Variants in JMJD1C observed in about 807,000 individuals in gnomAD.
JMJD1C encodes jumonji domain-containing protein 1C.
In JMJD1C, 31 loss-of-function variants were observed where a neutral mutation model predicts 245.3. The ratio of observed to expected loss-of-function variants is 0.13; its 90% CI spans 0.09 to 0.17. The LOEUF is 0.17. JMJD1C is among the 10% of genes least tolerant of loss of function. JMJD1C has a pLI of 1.00. For missense variants in JMJD1C, 2,691 were observed against 3,000.2 expected (o/e 0.90, Z 2.41); for synonymous variants, 1,057 against 1,017.4 (o/e 1.04, Z -0.74).
chr10:63,180,843 A>T (rs886646670), intron 22 of JMJD1C, among the ~76,000 whole-genome samples: 16 of 147,106 alleles, frequency 1.1e-4, no homozygotes, highest in Admixed American at 1.4e-4. Context: ...ATCTCGGCTC[A>T]CTGCAAGCTC....
rs1231753024 is a variant in JMJD1C at position 63,183,597 on chromosome 10, CA to C, written c.6962-29del. 4.4e-6 allele frequency: 6 copies of C among 1,355,144 alleles called. No individual in the cohort carries two copies. The South Asian group carries it at 8.1e-5, about 18-fold the overall frequency. The allele number at this position is 1,355,144 out of a possible 1,614,324, so 83.9% of individuals were successfully genotyped here. ...GTATATAAAACAAAATTTTACTTGACAAAATATTTATATATATGTAATAGCA... is the reference window on the plus strand; with the variant it reads ...GTATATAAAACAAAATTTTACTTGACAAATATTTATATATATGTAATAGCA... On this transcript the variant is annotated intron_variant, in intron 21 of 25. Transcript: ENST00000399262.
chr10:63,352,785 T>C (rs77915324), intron 2 of JMJD1C, among the ~76,000 whole-genome samples: 1,592 of 152,286 alleles, frequency 0.01, 17 homozygotes, highest in East Asian at 0.048. Context: ...TAGTTTTTAA[T>C]AGAACATGGA....
chr10:63,221,831 C>G (rs956848564), intron 3 of JMJD1C, among the ~76,000 whole-genome samples: 1 of 152,212 alleles, frequency 6.6e-6, no homozygotes, highest in Non-Finnish European at 1.5e-5. Context: ...AAGCAATTCT[C>G]CTGTCTCAGC....
chr10:63,311,656 GTA>G (rs1290358745), intron 2 of JMJD1C, among the ~76,000 whole-genome samples: 2 of 152,128 alleles, frequency 1.3e-5, no homozygotes, highest in African/African-American at 4.8e-5. Flanking sequence ...AATTTATACA[GTA>G]TGTCAGGTTC....
chr10:63,465,191 G>A, intron 1 of JMJD1C: 1 of 363,454 alleles, frequency 2.8e-6, no homozygotes, highest in South Asian at 6.9e-5. Context: ...TTTCGGGGAG[G>A]TCTCCGTGGC....
chr10:63,185,668 G>C lies in JMJD1C; in HGVS notation c.6740-15C>G. 7.1e-7 allele frequency: 1 copy of C among 1,418,024 alleles called. No individual in the cohort carries two copies. Among genetic ancestry groups the C allele is most frequent in the Non-Finnish European group, 9.9e-7 (1 of 1,006,516 alleles). 87.8% of individuals were successfully genotyped at this position (1,418,024 alleles called of 1,614,324 possible). On this transcript the variant is annotated splice_polypyrimidine_tract_variant and intron_variant, in intron 19 of 25. Coordinates refer to ENST00000399262, the MANE Select transcript of JMJD1C (RefSeq NM_032776.3). ...TTTCTGCCGTTCTATAAGGAATGCA[G>C]TTAATTACTAAAAGGGTAATTTCTG...
At chr10:63,215,495 T>C in intron 6 of JMJD1C, 40 bp from the exon 7 acceptor site, 1 of 1,612,212 alleles carries the variant, frequency 6.2e-7, no homozygotes, top group Non-Finnish European at 8.5e-7. Context: ...TACTACCTGG[T>C]TTCTACTAGC....
chr10:63,214,973 C>G lies in JMJD1C; in HGVS notation c.1194G>C (p.Glu398Asp). ...AAGTATTTTTATTTTTCAATTCATT[C>G]TCTGGCTTCTGTTCTGAGGAATTAT... ...IIDNSSEQKP[E>D]NELKNKNTSK... Residue 398 changes from glutamate (E) to aspartate (D), a missense_variant, in exon 8 of 26, where the codon GAG becomes GAC. Coordinates refer to ENST00000399262, the MANE Select transcript of JMJD1C (RefSeq NM_032776.3). 1 of 1,598,926 alleles carries G rather than the reference C, an allele frequency of 6.3e-7. No individual in the cohort carries two copies. Among genetic ancestry groups the G allele is most frequent in the Non-Finnish European group, 8.5e-7 (1 of 1,172,626 alleles).
intron 1 of JMJD1C, among the ~76,000 whole-genome samples, chr10:63,404,710 A>T (rs1400703565): frequency 6.6e-6 from 1 of 152,238 alleles, no homozygotes; most frequent in Non-Finnish European, 1.5e-5. Flanking sequence ...AGTAGCAGAG[A>T]TGTAAAACAT....
At chr10:63,488,322 C>T (rs1954062905) in intron 1 of JMJD1C, among the ~76,000 whole-genome samples, 1 of 152,176 alleles carries the variant, frequency 6.6e-6, no homozygotes, top group African/African-American at 2.4e-5. Flanking sequence ...CTCCCTACAA[C>T]TGGGAAAATA....
intron 1 of JMJD1C, among the ~76,000 whole-genome samples, chr10:63,508,037 C>A (rs1294161029): frequency 3.9e-5 from 6 of 151,966 alleles, no homozygotes; most frequent in African/African-American, 1.5e-4. Context: ...CTTTAATTCT[C>A]TTCACAGTGT....
intron 2 of JMJD1C, among the ~76,000 whole-genome samples, chr10:63,379,930 T>G (rs1947073143): frequency 6.6e-6 from 1 of 151,964 alleles, no homozygotes; most frequent in Non-Finnish European, 1.5e-5. Context: ...TAGTCTTAAA[T>G]TTTCATTTAT....
intron 1 of JMJD1C, among the ~76,000 whole-genome samples, chr10:63,422,898 A>T (rs1476312635): frequency 3.3e-5 from 5 of 152,184 alleles, no homozygotes; most frequent in African/African-American, 1.2e-4. Context: ...TTAAATGTAT[A>T]ATTTAAGGGC....
At chr10:63,211,246 C>T (rs1847281464) in intron 8 of JMJD1C, among the ~76,000 whole-genome samples, 1 of 152,074 alleles carries the variant, frequency 6.6e-6, no homozygotes, top group Non-Finnish European at 1.5e-5. Flanking sequence ...AGGCGGATCA[C>T]TTGAGGTCAG....
rs182505545 is a variant in JMJD1C at position 63,228,057 on chromosome 10, G to T, written c.448-8074C>A. On this transcript the variant is annotated intron_variant, in intron 3 of 25. Coordinates refer to ENST00000399262, the MANE Select transcript of JMJD1C (RefSeq NM_032776.3). The stretch of plus-strand genomic sequence containing the variant: ...TACCACCTGCAGTTAACTAAATGAA[G>T]GTACCGCTGAAGGCTTCCATGTATT... Among the ~76,000 whole-genome samples the T allele has an allele frequency of 3.7e-4, 56 of 152,220 alleles. 1 individual carries two copies. Among genetic ancestry groups the T allele is most frequent in the African/African-American group, 1.3e-3 (53 of 41,534 alleles).
At chr10:63,211,160 T>C (rs1847270707) in intron 8 of JMJD1C, among the ~76,000 whole-genome samples, 1 of 152,130 alleles carries the variant, frequency 6.6e-6, no homozygotes, top group Non-Finnish European at 1.5e-5. Flanking sequence ...GTGCCTCTTA[T>C]CATCAAAGTT....
chr10:63,231,710 C>A (rs1850025324), intron 3 of JMJD1C, among the ~76,000 whole-genome samples: 1 of 152,174 alleles, frequency 6.6e-6, no homozygotes, highest in Non-Finnish European at 1.5e-5. Context: ...AGGAGAATCG[C>A]TTGAATCCAG....
intron 2 of JMJD1C, among the ~76,000 whole-genome samples, chr10:63,345,505 A>AC (rs1463888794): frequency 2.1e-5 from 3 of 146,006 alleles, no homozygotes; most frequent in Admixed American, 6.9e-5. Flanking sequence ...AAAAAAAAAA[A>AC]CAAAAAAAAG....
intron 1 of JMJD1C, among the ~76,000 whole-genome samples, chr10:63,499,837 T>G (rs1050383137): frequency 2.0e-5 from 3 of 152,220 alleles, no homozygotes; most frequent in Middle Eastern, 3.2e-3. Flanking sequence ...CGTTAAAATA[T>G]TTCAGAAGAA....
Sources: allele counts gnomAD v4.1 joint callset (sites outside exome capture counted in the v4.1 genomes callset), GRCh38; gene constraint gnomAD v4.1.1; transcripts MANE v1.5; gene names NCBI Gene and HGNC (gene_info 2026-07-23, HGNC 2026-07-21).